The following C1QTNF3 variants were observed in gnomAD, a reference collection of about 807,000 sequenced individuals.
The protein encoded by C1QTNF3 is complement C1q tumor necrosis factor-related protein 3.
Under a neutral mutation model 32.6 loss-of-function variants are expected in C1QTNF3, and 26 were observed. The observed-to-expected ratio is 0.80, with a 90% confidence interval of 0.58 to 1.11. The LOEUF (loss-of-function observed/expected upper bound fraction) is 1.11. Among genes scored for constraint, C1QTNF3 ranks in the 50% least tolerant of loss-of-function variants. The probability of loss-of-function intolerance (pLI) is 0.00; values close to 1 mark genes in which losing one functional copy is unlikely to be tolerated. For synonymous variants in C1QTNF3, 155 were observed against 146.0 expected, an observed-to-expected ratio of 1.06 and a Z score of -0.44; for missense variants, 362 against 398.2, an observed-to-expected ratio of 0.91 and a Z score of 0.77.
the C1QTNF3 span, among the ~76,000 whole-genome samples, chr5:34,105,111 C>T: frequency 1.3e-5 from 2 of 152,124 alleles, no homozygotes; most frequent in Non-Finnish European, 2.9e-5. Flanking sequence ...AAGTTTTCCT[C>T]TCTGACCAAA....
chr5:34,109,630 G>GT, the C1QTNF3 span, among the ~76,000 whole-genome samples: 1 of 152,140 alleles, frequency 6.6e-6, no homozygotes, highest in South Asian at 2.1e-4. Context: ...CCCAAATTCA[G>GT]TTGTTTTCAT....
At chr5:34,127,824 A>G in the C1QTNF3 span, among the ~76,000 whole-genome samples, 1 of 151,802 alleles carries the variant, frequency 6.6e-6, no homozygotes, top group African/African-American at 2.4e-5. Context: ...TTTATGTTTA[A>G]AAGGAAAGAA....
the C1QTNF3 span, among the ~76,000 whole-genome samples, chr5:34,087,482 C>T: frequency 5.4e-5 from 8 of 148,986 alleles, no homozygotes; most frequent in African/African-American, 2.0e-4. Flanking sequence ...TTTAAAAAAA[C>T]ACTTAAGAGA....
the C1QTNF3 span, chr5:34,200,906 T>G: frequency 1.2e-4 from 18 of 151,996 alleles, no homozygotes; most frequent in Non-Finnish European, 1.5e-5. Context: ...TTGGGATGAC[T>G]TATAAACACT....
At chr5:34,219,946 C>A in the C1QTNF3 span, 1 of 152,096 alleles carries the variant, frequency 6.6e-6, no homozygotes, top group Non-Finnish European at 1.5e-5. Flanking sequence ...CATGGAGCTT[C>A]AGTTCTATTT....
At chr5:34,156,204 G>A in the C1QTNF3 span, among the ~76,000 whole-genome samples, 1 of 152,100 alleles carries the variant, frequency 6.6e-6, no homozygotes, top group African/African-American at 2.4e-5. Flanking sequence ...CCCAGTGGCT[G>A]GGATTACAGG....
In C1QTNF3 at chr5:34,042,761, AAAC is replaced by A. The variant is rs57826552; in HGVS notation, c.303+59_303+61del. 7.9e-4 allele frequency: 1,152 copies of A among 1,461,886 alleles called. 5 individuals are homozygous for A. The East Asian group carries it at 0.019, about 23-fold the overall frequency. 90.6% of individuals were successfully genotyped at this position (1,461,886 alleles called of 1,614,324 possible). A position where few individuals can be genotyped will look rare whatever the true frequency, so the allele number is the denominator to read the frequency against. On this transcript the variant is annotated intron_variant, in intron 1 of 5. Coordinates refer to ENST00000382065, the MANE Select transcript of C1QTNF3 (RefSeq NM_181435.6). ...CTTAGCCAAAAAAAGAACAACAACA[AAAC>A]AACAACAACAACACTCATTAAGCTT...
chr5:34,244,185 T>C, the C1QTNF3 span, among the ~76,000 whole-genome samples: 1 of 152,152 alleles, frequency 6.6e-6, no homozygotes. Context: ...ACCAATTTTA[T>C]AAAAAACCCA....
chr5:34,128,656 A>T, the C1QTNF3 span, among the ~76,000 whole-genome samples: 1 of 152,154 alleles, frequency 6.6e-6, no homozygotes, highest in Non-Finnish European at 1.5e-5. Context: ...AGACTTAATG[A>T]CTGTCCTGCT....
chr5:34,164,121 G>A, the C1QTNF3 span, among the ~76,000 whole-genome samples: 7 of 152,098 alleles, frequency 4.6e-5, no homozygotes, highest in African/African-American at 1.4e-4. Context: ...ACTGATTTGG[G>A]AGGCGAACAT....
At chr5:34,143,852 A>G in the C1QTNF3 span, among the ~76,000 whole-genome samples, 5 of 152,288 alleles carry the variant, frequency 3.3e-5, no homozygotes, top group South Asian at 1.0e-3. Flanking sequence ...GCCCGCAGAC[A>G]CTGTAAAGCA....
chr5:34,238,621 T>G, the C1QTNF3 span, among the ~76,000 whole-genome samples: 275 of 151,942 alleles, frequency 1.8e-3, 3 homozygotes, highest in African/African-American at 6.2e-3. Flanking sequence ...ACCAAAGCTT[T>G]AAGAAATATG....
At chr5:34,026,469 AAAAAGAAAAG>A (rs1176667070) in intron 4 of C1QTNF3, among the ~76,000 whole-genome samples, 22 of 143,138 alleles carry the variant, frequency 1.5e-4, no homozygotes, top group Admixed American at 1.0e-3. Flanking sequence ...AAAAAAAAAA[AAAAAGAAAAG>A]AAAAGAAAAG....
At chr5:34,029,336 C>T (rs1337392633) in intron 3 of C1QTNF3, among the ~76,000 whole-genome samples, 1 of 151,184 alleles carries the variant, frequency 6.6e-6, no homozygotes, top group East Asian at 1.9e-4. Flanking sequence ...GACGAGGTCT[C>T]ACTATGTTGC....
chr5:34,153,981 G>T, the C1QTNF3 span, among the ~76,000 whole-genome samples: 2 of 150,562 alleles, frequency 1.3e-5, no homozygotes, highest in Non-Finnish European at 2.9e-5. Flanking sequence ...TAATTAGATA[G>T]TATAGATTAA....
intron 5 of C1QTNF3, 39 bp from the exon 6 acceptor site, chr5:34,020,781 C>A: frequency 6.3e-7 from 1 of 1,590,094 alleles, no homozygotes; most frequent in South Asian, 1.1e-5. Context: ...TAGTTTTTGC[C>A]ATGAACAACC....
At chr5:34,140,775 CAT>C in the C1QTNF3 span, among the ~76,000 whole-genome samples, 1 of 152,240 alleles carries the variant, frequency 6.6e-6, no homozygotes, top group Admixed American at 6.5e-5. Context: ...CATACACACA[CAT>C]GCTTTCAACT....
upstream of C1QTNF3, among the ~76,000 whole-genome samples, chr5:34,045,197 C>T (rs557595063): frequency 6.6e-6 from 1 of 152,350 alleles, no homozygotes; most frequent in East Asian, 1.9e-4. Flanking sequence ...GTGGGCCATA[C>T]TGCTAAGTAA....
chr5:34,159,008 G>A, the C1QTNF3 span, among the ~76,000 whole-genome samples: 1 of 152,006 alleles, frequency 6.6e-6, no homozygotes, highest in Non-Finnish European at 1.5e-5. Context: ...CATACATAGT[G>A]TATAAATAAT....
Sources: gnomAD v4.1 joint callset for allele counts (sites outside exome capture counted in the v4.1 genomes callset) on GRCh38, gnomAD v4.1.1 for gene constraint, MANE v1.5 for transcripts, NCBI Gene and HGNC (gene_info 2026-07-23, HGNC 2026-07-21) for gene names.